Variants in SYTL3 observed in about 807,000 individuals in gnomAD.
SYTL3 encodes synaptotagmin-like protein 3.
A neutral mutation model predicts 82.1 loss-of-function variants in SYTL3; 88 were observed. The ratio of observed to expected loss-of-function variants is 1.07; its 90% CI spans 0.90 to 1.28. The LOEUF (loss-of-function observed/expected upper bound fraction) is 1.28, where lower values mean the gene tolerates loss of function less well. Ranked by LOEUF, SYTL3 falls within the 50% of genes most tolerant of loss-of-function variation. The probability of loss-of-function intolerance (pLI) is 0.00; values close to 1 mark genes in which losing one functional copy is unlikely to be tolerated. For missense variants in SYTL3, 831 were observed against 757.6 expected (o/e 1.10, Z -1.14); for synonymous variants, 311 against 289.4 (o/e 1.07, Z -0.76).
chr6:158,690,539 C>A (rs950969752), intron 6 of SYTL3, among the ~76,000 whole-genome samples: 3 of 152,108 alleles, frequency 2.0e-5, no homozygotes, highest in Non-Finnish European at 2.9e-5. Flanking sequence ...TGGAAGTAGA[C>A]ATGCTATAAG....
intron 16 of SYTL3, 70 bp downstream of exon 16, chr6:158,762,248 A>C: frequency 8.9e-7 from 1 of 1,118,786 alleles, no homozygotes; most frequent in South Asian, 1.4e-5. Flanking sequence ...CAGAACCTGC[A>C]GCGAACACTA....
intron 2 of SYTL3, among the ~76,000 whole-genome samples, chr6:158,653,720 C>G (rs1788326319): frequency 2.0e-5 from 3 of 152,172 alleles, no homozygotes; most frequent in South Asian, 2.1e-4. Context: ...AGGGCTGTGG[C>G]TTGTGGGCTT....
At chr6:158,663,854 T>C (rs542088609) in intron 4 of SYTL3, among the ~76,000 whole-genome samples, 1 of 152,242 alleles carries the variant, frequency 6.6e-6, no homozygotes, top group East Asian at 1.9e-4. Flanking sequence ...TTTGCTCGCT[T>C]TTGCTTCCCA....
At chr6:158,693,264 C>G (rs1780117680) in intron 6 of SYTL3, among the ~76,000 whole-genome samples, 1 of 152,210 alleles carries the variant, frequency 6.6e-6, no homozygotes, top group African/African-American at 2.4e-5. Context: ...GTCACCTAAC[C>G]TGGAGCACAG....
At position 158,708,389 on chromosome 6, in the gene SYTL3, A is replaced by G; in HGVS notation, c.514A>G (p.Arg172Gly). Residue 172 changes from arginine to glycine, a missense_variant and splice_region_variant, in exon 8 of 18, where the codon AGG becomes GGG. Arg to Gly is a moderately radical substitution (Grantham distance 125). Coordinates refer to ENST00000611299, the MANE Select transcript of SYTL3 (RefSeq NM_001242394.2). Reference sequence around the variant, plus strand: ...GAGCCAGTGCAGCCGCAGTCCTGGCAGGGTAACGTATCCATTCTGGGCACT... The same window carrying G: ...GAGCCAGTGCAGCCGCAGTCCTGGCGGGGTAACGTATCCATTCTGGGCACT... ...SESQCSRSPG[R>G]LQEFGQFRGF... 6.2e-7 allele frequency: 1 copy of G among 1,613,960 alleles called. No individual in the cohort carries two copies.
At chr6:158,655,148 C>T (rs1213279666) in intron 2 of SYTL3, among the ~76,000 whole-genome samples, 1 of 152,130 alleles carries the variant, frequency 6.6e-6, no homozygotes, top group Non-Finnish European at 1.5e-5. Flanking sequence ...ATTGTGAATT[C>T]CTGCGTGAGA....
At position 158,701,750 on chromosome 6, in the gene SYTL3, CA is replaced by C. The variant is rs140533849; in HGVS notation, c.395-5478del. On this transcript the variant is annotated intron_variant, in intron 6 of 17. Coordinates refer to ENST00000611299, the MANE Select transcript of SYTL3 (RefSeq NM_001242394.2). ...AGAGTGCCACAACCTGGGGATCCTCCAACAACAGAAATGTATCATCTCCCAG... is the reference window on the plus strand; with the variant it reads ...AGAGTGCCACAACCTGGGGATCCTCCACAACAGAAATGTATCATCTCCCAG... Among the ~76,000 whole-genome samples the C allele has an allele frequency of 1.8e-3, 281 of 151,984 alleles. 3 individuals carry two copies. The highest frequency in any genetic ancestry group is 5.7e-3 in the African/African-American group (237 of 41,402).
At chr6:158,725,381 CCTA>C (rs1165562908) in intron 10 of SYTL3, 119 bp from the exon 11 acceptor site, 18 of 1,064,060 alleles carry the variant, frequency 1.7e-5, no homozygotes, top group Non-Finnish European at 2.3e-5. Flanking sequence ...GGTGTGTCCT[CCTA>C]CTCAGAAGTT....
intron 9 of SYTL3, among the ~76,000 whole-genome samples, chr6:158,715,638 T>TC (rs1783307180): frequency 1.1e-3 from 17 of 16,010 alleles, no homozygotes; most frequent in South Asian, 2.2e-3. Flanking sequence ...GCACCCCCCA[T>TC]ACCCCCCCAC....
chr6:158,681,476 G>A (rs1438181237), intron 5 of SYTL3, among the ~76,000 whole-genome samples: 2 of 152,082 alleles, frequency 1.3e-5, no homozygotes, highest in African/African-American at 4.8e-5. Context: ...TCAGGAGTTC[G>A]AGACCAGCTT....
chr6:158,689,844 G>A (rs903744318), intron 6 of SYTL3, among the ~76,000 whole-genome samples: 4 of 152,008 alleles, frequency 2.6e-5, no homozygotes, highest in Admixed American at 2.0e-4. Context: ...AGTAGAGACG[G>A]GGTTTCATTA....
intron 6 of SYTL3, among the ~76,000 whole-genome samples, chr6:158,691,331 T>A (rs1255290429): frequency 6.8e-6 from 1 of 148,072 alleles, no homozygotes; most frequent in African/African-American, 2.6e-5. Flanking sequence ...GGGCAGCAAC[T>A]GAGACTCCAT....
intron 14 of SYTL3, among the ~76,000 whole-genome samples, chr6:158,757,813 A>G (rs943291538): frequency 3.3e-5 from 5 of 152,214 alleles, no homozygotes; most frequent in African/African-American, 1.2e-4. Flanking sequence ...GGTGACAATA[A>G]CTAACAGTAA....
At chr6:158,661,803 GC>G (rs1789411240) in intron 3 of SYTL3, among the ~76,000 whole-genome samples, 1 of 152,174 alleles carries the variant, frequency 6.6e-6, no homozygotes, top group Non-Finnish European at 1.5e-5. Context: ...ATATGTTGTA[GC>G]TATCTCAAGA....
At chr6:158,725,207 T>C (rs1163733325) in intron 10 of SYTL3, among the ~76,000 whole-genome samples, 1 of 152,228 alleles carries the variant, frequency 6.6e-6, no homozygotes, top group Non-Finnish European at 1.5e-5. Flanking sequence ...AAATTTGGAC[T>C]TAAGACTTTT....
rs1032567627 is a variant in SYTL3, at chr6:158,751,789, T to C, written c.1035-139T>C. ...CGTTGCTCACTATTAGGCTATTAAG[T>C]CCTTTCTATCAACCCAAAAATTCCA... On this transcript the variant is annotated intron_variant, in intron 12 of 17. Coordinates refer to ENST00000611299, the MANE Select transcript of SYTL3 (RefSeq NM_001242394.2). 1.5e-5 allele frequency: 9 copies of C among 611,512 alleles called. No homozygotes were observed. The Admixed American group carries it at 1.8e-4, about 12-fold the overall frequency. 37.9% of individuals were successfully genotyped at this position (611,512 alleles called of 1,614,324 possible).
At chr6:158,670,053 T>G (rs574813768) in intron 5 of SYTL3, among the ~76,000 whole-genome samples, 78 of 152,394 alleles carry the variant, frequency 5.1e-4, no homozygotes, top group Non-Finnish European at 9.8e-4. Context: ...CTGCATTGCA[T>G]GAAAGAATTT....
Position 158,757,345 on chromosome 6 carries a change from A to G in SYTL3, c.1272A>G (p.Thr424=), listed in dbSNP as rs1476510651. The G allele has an allele frequency of 3.1e-6, 5 of 1,613,870 alleles. No individual in the cohort carries two copies. In the African/African-American group the frequency reaches 5.3e-5, roughly 17 times the overall value. Residue 424 remains threonine (T), a synonymous_variant, in exon 14 of 18, where the codon ACA becomes ACG. Transcript: ENST00000611299. The stretch of plus-strand genomic sequence containing the variant: ...CCACGTGGGACTTTGAAGACAGCAC[A>G]ACACAGTCCTTCCGCTGGCATCCGC... ...PLATWDFEDS[T]TQSFRWHPLR... is the part of the protein sequence containing the mutation.
At chr6:158,747,320 C>A (rs1259923146) in intron 12 of SYTL3, among the ~76,000 whole-genome samples, 1 of 152,110 alleles carries the variant, frequency 6.6e-6, no homozygotes, top group East Asian at 1.9e-4. Flanking sequence ...CTATTCATAT[C>A]TTTTGCCCAT....
Sources: gnomAD v4.1 joint callset for allele counts (sites outside exome capture counted in the v4.1 genomes callset) on GRCh38, gnomAD v4.1.1 for gene constraint, MANE v1.5 for transcripts, NCBI Gene and HGNC (gene_info 2026-07-23, HGNC 2026-07-21) for gene names.